The following RBFOX2 variants were observed in gnomAD, a reference collection of about 807,000 sequenced individuals.
RBFOX2 encodes RNA binding fox-1 homolog 2.
A neutral mutation model predicts 49.1 loss-of-function variants in RBFOX2; 10 were observed. The ratio of observed to expected loss-of-function variants is 0.20; its 90% CI spans 0.13 to 0.35. The LOEUF (loss-of-function observed/expected upper bound fraction) is 0.35. RBFOX2 is among the 10% of genes least tolerant of loss of function. The probability of loss-of-function intolerance (pLI) is 1.00; values close to 1 mark genes in which losing one functional copy is unlikely to be tolerated. For missense variants in RBFOX2, 323 were observed against 486.9 expected (o/e 0.66, Z 3.17); for synonymous variants, 183 against 187.4 (o/e 0.98, Z 0.19).
intron 1 of RBFOX2, among the ~76,000 whole-genome samples, chr22:35,934,206 G>C (rs929329796): frequency 1.3e-5 from 2 of 150,974 alleles, no homozygotes; most frequent in African/African-American, 4.9e-5. Context: ...TGATGCTCTG[G>C]GAGCACAGTT....
intron 2 of RBFOX2, among the ~76,000 whole-genome samples, chr22:35,794,012 T>C (rs1948287142): frequency 6.6e-6 from 1 of 152,206 alleles, no homozygotes; most frequent in African/African-American, 2.4e-5. Flanking sequence ...GTAAGAATTG[T>C]ATAAAATTAT....
At chr22:35,807,315 C>A (rs546152382) in intron 2 of RBFOX2, among the ~76,000 whole-genome samples, 3 of 151,836 alleles carry the variant, frequency 2.0e-5, no homozygotes, top group African/African-American at 7.2e-5. Context: ...GATGAAAAAA[C>A]CAATTGGTTA....
exon 1 of RBFOX2, among the ~76,000 whole-genome samples, chr22:36,028,593 C>T (rs1258288910): frequency 1.3e-5 from 2 of 148,840 alleles, no homozygotes; most frequent in Admixed American, 6.7e-5. Context: ...GCCTCGCGGC[C>T]GCCGCTCCTT....
chr22:35,787,132 T>A (rs1008401604), intron 2 of RBFOX2, among the ~76,000 whole-genome samples: 4 of 152,256 alleles, frequency 2.6e-5, no homozygotes, highest in African/African-American at 9.6e-5. Context: ...CTCCACCTTC[T>A]GGGTTCAACT....
chr22:35,868,552 C>T (rs898369605), intron 1 of RBFOX2, among the ~76,000 whole-genome samples: 39 of 152,058 alleles, frequency 2.6e-4, no homozygotes, highest in African/African-American at 8.4e-4. Flanking sequence ...GAGTTCAAGA[C>T]CAGCCTGGAC....
intron 1 of RBFOX2, among the ~76,000 whole-genome samples, chr22:35,910,654 GA>G: frequency 6.6e-6 from 1 of 152,294 alleles, no homozygotes; most frequent in African/African-American, 2.4e-5. Context: ...TGGAGAATTA[GA>G]AGTACTCCCA....
upstream of RBFOX2, chr22:35,938,992 C>T: frequency 8.4e-7 from 1 of 1,196,792 alleles, no homozygotes; most frequent in South Asian, 1.2e-5. Context: ...TAAATTCCTG[C>T]CCTGGTTCCT....
At chr22:35,806,584 G>T (rs1056131167) in intron 2 of RBFOX2, among the ~76,000 whole-genome samples, 2 of 151,918 alleles carry the variant, frequency 1.3e-5, no homozygotes, top group African/African-American at 4.8e-5. Context: ...AATAACTAAA[G>T]AAAAAATATC....
chr22:36,022,589 T>A (rs1260107951), intron 1 of RBFOX2, among the ~76,000 whole-genome samples: 2 of 152,222 alleles, frequency 1.3e-5, no homozygotes, highest in South Asian at 2.1e-4. Flanking sequence ...TTCCTCAGTT[T>A]CTCCATCTAC....
intron 1 of RBFOX2, among the ~76,000 whole-genome samples, chr22:35,972,674 G>A (rs554202471): frequency 1.3e-5 from 2 of 152,222 alleles, no homozygotes; most frequent in African/African-American, 4.8e-5. Flanking sequence ...ACTGGCCTCC[G>A]GTTTCACCTA....
At chr22:35,904,908 G>T (rs532358450) in intron 1 of RBFOX2, among the ~76,000 whole-genome samples, 1 of 152,170 alleles carries the variant, frequency 6.6e-6, no homozygotes, top group African/African-American at 2.4e-5. Context: ...CAAGAGCCAC[G>T]TGAGGATAGT....
intron 1 of RBFOX2, among the ~76,000 whole-genome samples, chr22:35,853,181 C>G (rs2042133522): frequency 6.6e-6 from 1 of 151,556 alleles, no homozygotes; most frequent in African/African-American, 2.4e-5. Flanking sequence ...GTAATCCCAG[C>G]TACTCAGGAG....
At chr22:36,021,597 AGAGAAATATCTC>A (rs2059250393) in intron 1 of RBFOX2, among the ~76,000 whole-genome samples, 3 of 152,160 alleles carry the variant, frequency 2.0e-5, no homozygotes, top group Admixed American at 2.0e-4. Context: ...GCTATCCTCC[AGAGAAATATCTC>A]AAATCCTCCA....
At chr22:35,742,469 T>C (rs1356107797) in exon 12 of RBFOX2, 1 of 152,628 alleles carries the variant, frequency 6.6e-6, no homozygotes, top group African/African-American at 2.4e-5. Context: ...CAAGAACATG[T>C]GTGGAGGCAG....
intron 1 of RBFOX2, among the ~76,000 whole-genome samples, chr22:36,025,068 A>G (rs1278041303): frequency 1.3e-5 from 2 of 152,144 alleles, no homozygotes; most frequent in African/African-American, 4.8e-5. Flanking sequence ...TCAGTCTCCC[A>G]AAGTGCTGGG....
chr22:35,877,812 G>C (rs1007423496), intron 1 of RBFOX2, among the ~76,000 whole-genome samples: 2 of 151,978 alleles, frequency 1.3e-5, no homozygotes, highest in Admixed American at 1.3e-4. Flanking sequence ...ATGTCAGCTA[G>C]AGTTCTACCA....
chr22:35,929,123 T>G (rs558460247), intron 1 of RBFOX2, among the ~76,000 whole-genome samples: 2 of 151,936 alleles, frequency 1.3e-5, no homozygotes, highest in African/African-American at 2.4e-5. Flanking sequence ...TTATTATGAT[T>G]ATTATTATTT....
intron 1 of RBFOX2, among the ~76,000 whole-genome samples, chr22:36,013,016 G>A (rs566562447): frequency 1.4e-4 from 22 of 152,154 alleles, no homozygotes; most frequent in African/African-American, 4.6e-4. Context: ...CGCCCGCCTC[G>A]GCTTCCCAAA....
At chr22:36,015,808 T>A (rs1039745868) in intron 1 of RBFOX2, among the ~76,000 whole-genome samples, 2 of 152,270 alleles carry the variant, frequency 1.3e-5, no homozygotes, top group South Asian at 2.1e-4. Context: ...TACCCGAAAT[T>A]ATTACTTACC....
Sources: allele counts gnomAD v4.1 joint callset (sites outside exome capture counted in the v4.1 genomes callset), GRCh38; gene constraint gnomAD v4.1.1; transcripts MANE v1.5; gene names NCBI Gene and HGNC (gene_info 2026-07-23, HGNC 2026-07-21).